Variants in GKAP1 observed in about 807,000 individuals in gnomAD.
GKAP1 encodes G kinase-anchoring protein 1.
A neutral mutation model predicts 56.7 loss-of-function variants in GKAP1; 31 were observed. The ratio of observed to expected loss-of-function variants is 0.55; its 90% confidence interval spans 0.41 to 0.74. The LOEUF (loss-of-function observed/expected upper bound fraction) is 0.74, where lower values mean the gene tolerates loss of function less well. Ranked by LOEUF, GKAP1 falls within the 30% of genes least tolerant of loss-of-function variation. The pLI is 0.00. For synonymous variants in GKAP1, 151 were observed against 138.6 expected (o/e 1.09, Z -0.63); for missense variants, 364 against 402.3 (o/e 0.90, Z 0.82).
intron 4 of GKAP1, 61 bp downstream of exon 4, chr9:83,799,124 G>A: frequency 7.1e-7 from 1 of 1,414,968 alleles, no homozygotes; most frequent in Non-Finnish European, 1.0e-6. Context: ...CAGAGGCACT[G>A]CCATGTGAAA....
chr9:83,748,280 T>C, intron 10 of GKAP1, 29 bp downstream of exon 10: 1 of 1,464,174 alleles, frequency 6.8e-7, no homozygotes, highest in Non-Finnish European at 9.4e-7. Flanking sequence ...AGATAAACTT[T>C]TAATTACAAA....
intron 4 of GKAP1, among the ~76,000 whole-genome samples, chr9:83,796,459 T>A (rs564407931): frequency 1.1e-4 from 16 of 152,290 alleles, no homozygotes; most frequent in African/African-American, 3.8e-4. Context: ...ATTTTAAAAT[T>A]CACCCATCTC....
intron 5 of GKAP1, among the ~76,000 whole-genome samples, chr9:83,785,552 T>G (rs915241823): frequency 6.6e-6 from 1 of 152,214 alleles, no homozygotes; most frequent in Non-Finnish European, 1.5e-5. Context: ...CACCACCATG[T>G]GCACATCTGT....
intron 4 of GKAP1, among the ~76,000 whole-genome samples, chr9:83,794,671 C>G (rs62561921): frequency 6.6e-6 from 1 of 151,950 alleles, no homozygotes; most frequent in African/African-American, 2.4e-5. Context: ...TCACTGAAAC[C>G]CTTAAGAAGA....
At chr9:83,759,456 A>C (rs1299355426) in intron 8 of GKAP1, among the ~76,000 whole-genome samples, 1 of 151,946 alleles carries the variant, frequency 6.6e-6, no homozygotes, top group Non-Finnish European at 1.5e-5. Flanking sequence ...AGGGTTATTA[A>C]AAAAAATTTA....
chr9:83,794,034 G>C (rs1336483993), intron 4 of GKAP1, among the ~76,000 whole-genome samples: 1 of 152,122 alleles, frequency 6.6e-6, no homozygotes, highest in East Asian at 1.9e-4. Flanking sequence ...CAGCCATGGT[G>C]GAGTGTGCCT....
chr9:83,778,957 ATAGG>A (rs1290719415), intron 7 of GKAP1, among the ~76,000 whole-genome samples: 4 of 152,110 alleles, frequency 2.6e-5, no homozygotes, highest in African/African-American at 9.7e-5. Flanking sequence ...AATATATTAA[ATAGG>A]TAGGATCTTG....
At chr9:83,762,991 T>C (rs1943599677) in intron 8 of GKAP1, among the ~76,000 whole-genome samples, 1 of 152,214 alleles carries the variant, frequency 6.6e-6, no homozygotes, top group Admixed American at 6.6e-5. Context: ...TGCACTCCCA[T>C]GTTTATCACA....
chr9:83,806,664 C>A (rs1944444249), intron 2 of GKAP1, 104 bp from the exon 3 acceptor site: 4 of 644,738 alleles, frequency 6.2e-6, no homozygotes, highest in Non-Finnish European at 1.0e-5. Context: ...TCTTCTGACA[C>A]TGGATTTAGT....
chr9:83,789,367 G>A (rs1252984757), intron 4 of GKAP1, among the ~76,000 whole-genome samples: 1 of 152,110 alleles, frequency 6.6e-6, no homozygotes, highest in East Asian at 1.9e-4. Flanking sequence ...TTGCCAAACA[G>A]AATGTTGCAG....
chr9:83,788,541 G>T, intron 5 of GKAP1, 60 bp downstream of exon 5: 1 of 931,142 alleles, frequency 1.1e-6, no homozygotes, highest in Non-Finnish European at 1.6e-6. Flanking sequence ...CAAGTAGGTT[G>T]ATTTTAACCT....
chr9:83,740,520 G>A (rs1012930728), intron 12 of GKAP1, among the ~76,000 whole-genome samples: 1 of 152,106 alleles, frequency 6.6e-6, no homozygotes, highest in South Asian at 2.1e-4. Flanking sequence ...ATGGTTTAAT[G>A]TATTTACTTT....
At chr9:83,803,946 C>G (rs868590040) in intron 3 of GKAP1, among the ~76,000 whole-genome samples, 1 of 150,570 alleles carries the variant, frequency 6.6e-6, no homozygotes, top group African/African-American at 2.4e-5. Flanking sequence ...CCGGCCGCGA[C>G]CCCGTCTGGG....
At chr9:83,744,727 C>A (rs1373460015) in intron 10 of GKAP1, among the ~76,000 whole-genome samples, 2 of 152,084 alleles carry the variant, frequency 1.3e-5, no homozygotes, top group African/African-American at 2.4e-5. Context: ...CATTCTCACA[C>A]TACTATAAAG....
chr9:83,814,429 C>G (rs553835145), intron 2 of GKAP1, among the ~76,000 whole-genome samples: 1 of 152,198 alleles, frequency 6.6e-6, no homozygotes, highest in African/African-American at 2.4e-5. Context: ...ATCTATGAAG[C>G]GTTCTCTGAC....
chr9:83,790,554 G>A (rs1036426326), intron 4 of GKAP1, among the ~76,000 whole-genome samples: 5 of 152,066 alleles, frequency 3.3e-5, no homozygotes, highest in South Asian at 2.1e-4. Flanking sequence ...AGGACGAGGT[G>A]GGCGGATCAC....
chr9:83,763,241 G>C (rs1489848120), intron 8 of GKAP1, among the ~76,000 whole-genome samples: 1 of 152,068 alleles, frequency 6.6e-6, no homozygotes, highest in Admixed American at 6.5e-5. Flanking sequence ...CAAAACAACT[G>C]AACTAATGGA....
intron 10 of GKAP1, among the ~76,000 whole-genome samples, chr9:83,748,058 C>A (rs1275187892): frequency 1.3e-5 from 2 of 152,130 alleles, no homozygotes; most frequent in Non-Finnish European, 2.9e-5. Context: ...TTGATACAGG[C>A]ATACAAAGTG....
At chr9:83,781,709 G>A (rs1943974800) in intron 6 of GKAP1, among the ~76,000 whole-genome samples, 1 of 152,146 alleles carries the variant, frequency 6.6e-6, no homozygotes, top group African/African-American at 2.4e-5. Context: ...TGCAAAAGCT[G>A]TGTAGGTTCT....
Sources: gnomAD v4.1 joint callset for allele counts (sites outside exome capture counted in the v4.1 genomes callset) on GRCh38, gnomAD v4.1.1 for gene constraint, MANE v1.5 for transcripts, NCBI Gene and HGNC (gene_info 2026-07-23, HGNC 2026-07-21) for gene names.